Variants in CDC42BPB observed in about 807,000 individuals in gnomAD.
The protein encoded by CDC42BPB is CDC42 binding protein kinase beta, also known as serine/threonine-protein kinase MRCK beta.
Under a neutral mutation model 214.9 loss-of-function variants are expected in CDC42BPB, and 37 were observed. The ratio of observed to expected loss-of-function variants is 0.17; its 90% confidence interval spans 0.13 to 0.23. The LOEUF (loss-of-function observed/expected upper bound fraction) is 0.23, where lower values mean the gene tolerates loss of function less well. CDC42BPB is among the 10% of genes least tolerant of loss of function. CDC42BPB has a pLI of 1.00. For missense variants in CDC42BPB, 1,694 were observed against 2,227.0 expected, an observed-to-expected ratio of 0.76 and a Z score of 4.82; for synonymous variants, 931 against 884.0, an observed-to-expected ratio of 1.05 and a Z score of -0.94.
intron 17 of CDC42BPB, among the ~76,000 whole-genome samples, 189 bp downstream of exon 17, chr14:102,966,857 C>G (rs1428343525): frequency 6.6e-6 from 1 of 152,158 alleles, no homozygotes; most frequent in Non-Finnish European, 1.5e-5. Context: ...GGGGGCGTAT[C>G]TCCACCTCTA....
intron 4 of CDC42BPB, among the ~76,000 whole-genome samples, chr14:103,002,716 T>C (rs571310210): frequency 3.3e-5 from 5 of 152,194 alleles, no homozygotes; most frequent in Non-Finnish European, 7.4e-5. Context: ...TGTGGTCACT[T>C]TGGGCAAGTG....
At chr14:103,008,677 G>T (rs1384944885) in intron 2 of CDC42BPB, 122 bp from the exon 3 acceptor site, 1 of 1,471,216 alleles carries the variant, frequency 6.8e-7, no homozygotes, top group African/African-American at 1.4e-5. Context: ...GTGACCGAAA[G>T]CCAAGTTTCC....
intron 1 of CDC42BPB, among the ~76,000 whole-genome samples, chr14:103,020,914 G>C (rs1165237229): frequency 6.6e-6 from 1 of 152,222 alleles, no homozygotes; most frequent in African/African-American, 2.4e-5. Flanking sequence ...AAGCTCTTTT[G>C]TAAGATGTCA....
intron 20 of CDC42BPB, among the ~76,000 whole-genome samples, chr14:102,960,222 AAAAAC>A (rs1027816890): frequency 6.6e-6 from 1 of 152,102 alleles, no homozygotes; most frequent in African/African-American, 2.4e-5. Flanking sequence ...AACAAAAACA[AAAAAC>A]AAAACCCCTC....
chr14:103,016,502 G>T (rs1221331935), intron 1 of CDC42BPB, among the ~76,000 whole-genome samples: 1 of 149,606 alleles, frequency 6.7e-6, no homozygotes, highest in Non-Finnish European at 1.5e-5. Flanking sequence ...CAGGTGAGGG[G>T]AGGGAACCAG....
rs376059761 is a variant in CDC42BPB at position 102,950,508 on chromosome 14, G to A, written c.3267C>T (p.Asp1089=). ...PEQSKRPLGV[D]VQRGIGTAYK... is the part of the protein sequence containing the mutation. ...AGGCTGTTCCGATGCCTCGCTGCAC[G>A]TCCACGCCCAGAGGCCTCTTGGACT... The change falls in exon 25 of 37, where the codon GAC becomes GAT. Residue 1089 remains aspartate, a synonymous_variant. Transcript: ENST00000361246. The A allele has an allele frequency of 6.8e-5, 110 of 1,613,266 alleles. No individual in the cohort carries two copies. Among genetic ancestry groups the A allele is most frequent in the Admixed American group, 1.8e-4 (11 of 60,014 alleles).
rs1054189333 is a variant in CDC42BPB, at chr14:103,037,890, G to A, written c.175+19109C>T. ...TAAAAATGCAAAAAATTAGCTGGGC[G>A]TGGTGGCGGGCGCCTATAGTCCCAG... On this transcript the variant is annotated intron_variant, in intron 1 of 36. Coordinates refer to ENST00000361246, the MANE Select transcript of CDC42BPB (RefSeq NM_006035.4). Among the ~76,000 whole-genome samples, 5 of 151,552 alleles carry A rather than the reference G, an allele frequency of 3.3e-5. No individual in the cohort carries two copies. The South Asian group carries it at 6.3e-4, about 19-fold the overall frequency.
chr14:102,938,906 G>A (rs1029671730), intron 34 of CDC42BPB, among the ~76,000 whole-genome samples: 6 of 150,420 alleles, frequency 4.0e-5, no homozygotes, highest in Admixed American at 2.0e-4. Flanking sequence ...GGAATTAAGA[G>A]GCATGAGCCA....
At position 103,053,555 on chromosome 14, in the gene CDC42BPB, A is replaced by T. The variant is rs576376502; in HGVS notation, c.175+3444T>A. 3.3e-5 allele frequency among the ~76,000 whole-genome samples: 5 copies of T among 151,724 alleles called. No individual in the cohort carries two copies. In the South Asian group the frequency reaches 1.0e-3, roughly 32 times the overall value. ...GGGGGGCAGATCACGAGGTCTGGAG[A>T]TCGAGACCATCCTGGCTAACACGGT... On this transcript the variant is annotated intron_variant, in intron 1 of 36. Coordinates refer to ENST00000361246, the MANE Select transcript of CDC42BPB (RefSeq NM_006035.4).
intron 5 of CDC42BPB, among the ~76,000 whole-genome samples, chr14:102,989,529 ACTATGGTAGTTAC>A (rs1041393306): frequency 3.3e-5 from 5 of 152,230 alleles, no homozygotes; most frequent in African/African-American, 2.4e-5. Flanking sequence ...ACTTGAATAA[ACTATGGTAGTTAC>A]CTATGGTAGT....
intron 1 of CDC42BPB, among the ~76,000 whole-genome samples, chr14:103,020,737 C>T (rs956033932): frequency 6.6e-6 from 1 of 152,212 alleles, no homozygotes; most frequent in Non-Finnish European, 1.5e-5. Context: ...GGAATGCAGG[C>T]GCCTTCACAG....
chr14:103,025,501 C>T (rs1886999638), intron 1 of CDC42BPB, among the ~76,000 whole-genome samples: 1 of 142,580 alleles, frequency 7.0e-6, no homozygotes, highest in Admixed American at 7.2e-5. Context: ...TGAACTAGTA[C>T]ACATTAAAAA....
chr14:102,998,008 G>A (rs781210451), intron 5 of CDC42BPB, among the ~76,000 whole-genome samples: 4 of 152,132 alleles, frequency 2.6e-5, no homozygotes, highest in Admixed American at 1.3e-4. Context: ...TTAGCTGGGC[G>A]TAATGGCTAC....
chr14:103,026,690 C>T (rs571270757), intron 1 of CDC42BPB, among the ~76,000 whole-genome samples: 8 of 152,004 alleles, frequency 5.3e-5, no homozygotes, highest in African/African-American at 1.4e-4. Context: ...AGTGAAACCC[C>T]GTCTCTACTA....
intron 12 of CDC42BPB, among the ~76,000 whole-genome samples, chr14:102,973,582 C>T (rs192750472): frequency 2.2e-4 from 34 of 152,314 alleles, no homozygotes; most frequent in East Asian, 1.7e-3. Context: ...TGGCTCGGGA[C>T]GCAGCGTGTG....
Position 103,010,982 on chromosome 14 carries a change from A to C in CDC42BPB, c.267+1115T>G, listed in dbSNP as rs574574208. Among the ~76,000 whole-genome samples, 250 of 152,310 alleles carry C rather than the reference A, an allele frequency of 1.6e-3. 2 individuals carry two copies. Among genetic ancestry groups the C allele is most frequent in the African/African-American group, 5.8e-3 (241 of 41,588 alleles). On this transcript the variant is annotated intron_variant, in intron 2 of 36. Coordinates refer to ENST00000361246, the MANE Select transcript of CDC42BPB (RefSeq NM_006035.4). ...GAGGCAGAGCTTGCAGTGAGCGGAG[A>C]TCGCACCACTGCACTCCAGCCTGGG...
At chr14:103,029,893 G>T (rs1245338078) in intron 1 of CDC42BPB, among the ~76,000 whole-genome samples, 1 of 145,376 alleles carries the variant, frequency 6.9e-6, no homozygotes, top group African/African-American at 2.6e-5. Flanking sequence ...AGAAATGCTA[G>T]ATTGGAGCCC....
chr14:103,024,196 C>T (rs1239596889), intron 1 of CDC42BPB, among the ~76,000 whole-genome samples: 1 of 152,210 alleles, frequency 6.6e-6, no homozygotes, highest in African/African-American at 2.4e-5. Flanking sequence ...GCATCTTCCT[C>T]CTGGAAGGCC....
At chr14:103,044,793 G>A (rs969117605) in intron 1 of CDC42BPB, among the ~76,000 whole-genome samples, 1 of 151,428 alleles carries the variant, frequency 6.6e-6, no homozygotes, top group African/African-American at 2.4e-5. Context: ...TTGCAGGCGT[G>A]AGCCACCGTG....
Sources: allele counts gnomAD v4.1 joint callset (sites outside exome capture counted in the v4.1 genomes callset), GRCh38; gene constraint gnomAD v4.1.1; transcripts MANE v1.5; gene names NCBI Gene and HGNC (gene_info 2026-07-23, HGNC 2026-07-21).